Variants in GDAP1 observed in about 807,000 individuals in gnomAD.
GDAP1 encodes the protein ganglioside-induced differentiation-associated protein 1.
Under a neutral mutation model 40.1 loss-of-function variants are expected in GDAP1, and 34 were observed. The ratio of observed to expected loss-of-function variants is 0.85; its 90% CI spans 0.64 to 1.13. The LOEUF is 1.13. Ranked by LOEUF, GDAP1 falls within the 50% of genes most tolerant of loss-of-function variation. The pLI is 0.00. For missense variants in GDAP1, 374 were observed against 433.7 expected (o/e 0.86, Z 1.22); for synonymous variants, 170 against 157.4 (o/e 1.08, Z -0.60).
At position 74,361,860 on chromosome 8, in the gene GDAP1, T is replaced by C. The variant is rs1490767104; in HGVS notation, c.485-24T>C. The C allele has an allele frequency of 3.0e-6, 4 of 1,346,352 alleles. 1 individual carries two copies. Among genetic ancestry groups the C allele is most frequent in the Non-Finnish European group, 4.3e-6 (4 of 933,746 alleles). 83.4% of individuals were successfully genotyped at this position (1,346,352 alleles called of 1,614,324 possible). On this transcript the variant is annotated intron_variant, in intron 3 of 5. Coordinates refer to ENST00000220822, the MANE Select transcript of GDAP1 (RefSeq NM_018972.4). ...GTAGAAGGGAGAAAATAATTTTCTG[T>C]TTCCAAAATGTTTTTATTATCAGGC... is the stretch of plus-strand genomic sequence containing the variant.
Position 74,400,453 on chromosome 8 carries a change from C to T in GDAP1, c.165+49132C>T, listed in dbSNP as rs537485815. Among the ~76,000 whole-genome samples, 932 of 149,524 alleles carry T rather than the reference C, an allele frequency of 6.2e-3. 92 individuals carry two copies. Among genetic ancestry groups the T allele is most frequent in the African/African-American group, 0.022 (848 of 39,010 alleles). Reference sequence around the variant, plus strand: ...TTTTGAGTCTATGTGTGTCTCTGCACGTGAGATGGGTTTCCTGAATACAGC... The same window carrying T: ...TTTTGAGTCTATGTGTGTCTCTGCATGTGAGATGGGTTTCCTGAATACAGC... On this transcript the variant is annotated intron_variant, in intron 2 of 2. Transcript: ENST00000523640.
chr8:74,356,676 G>T (rs1475021373), intron 2 of GDAP1, among the ~76,000 whole-genome samples: 1 of 138,672 alleles, frequency 7.2e-6, no homozygotes, highest in Non-Finnish European at 1.6e-5. Flanking sequence ...GTGTGTGTGT[G>T]TGTGTGTGTG....
intron 2 of GDAP1, among the ~76,000 whole-genome samples, chr8:74,437,846 T>C (rs1444585117): frequency 6.6e-6 from 1 of 152,180 alleles, no homozygotes; most frequent in African/African-American, 2.4e-5. Context: ...CTCGAATATA[T>C]CTAATCCCCT....
intron 2 of GDAP1, among the ~76,000 whole-genome samples, chr8:74,477,739 G>T (rs984861358): frequency 1.3e-5 from 2 of 152,202 alleles, no homozygotes; most frequent in South Asian, 4.1e-4. Flanking sequence ...TCAAAGGGCA[G>T]TGGCAGTGGA....
At chr8:74,480,615 A>C (rs577780771) in intron 2 of GDAP1, among the ~76,000 whole-genome samples, 1 of 152,232 alleles carries the variant, frequency 6.6e-6, no homozygotes, top group South Asian at 2.1e-4. Flanking sequence ...TGCCTTACAG[A>C]AGCTCCTAGC....
intron 2 of GDAP1, among the ~76,000 whole-genome samples, chr8:74,392,769 T>TC (rs1462800346): frequency 6.6e-6 from 1 of 152,174 alleles, no homozygotes; most frequent in Non-Finnish European, 1.5e-5. Context: ...ATCTCAGTTT[T>TC]CCCCAAACAC....
At chr8:74,462,222 G>T (rs1456911576) in intron 2 of GDAP1, among the ~76,000 whole-genome samples, 1 of 152,116 alleles carries the variant, frequency 6.6e-6, no homozygotes, top group Non-Finnish European at 1.5e-5. Flanking sequence ...TTTTTGTCAA[G>T]TACTTCCTGG....
At chr8:74,381,752 T>A (rs1809956617) in intron 2 of GDAP1, among the ~76,000 whole-genome samples, 2 of 81,416 alleles carry the variant, frequency 2.5e-5, no homozygotes, top group African/African-American at 8.6e-5. Context: ...CGAAACTCCA[T>A]CTCAAATTAA....
intron 2 of GDAP1, among the ~76,000 whole-genome samples, chr8:74,410,081 A>C (rs1805690169): frequency 6.7e-6 from 1 of 150,080 alleles, no homozygotes; most frequent in African/African-American, 2.5e-5. Flanking sequence ...ATCACTAAAG[A>C]TAATGGAGAG....
intron 2 of GDAP1, among the ~76,000 whole-genome samples, chr8:74,446,170 A>G (rs1806224185): frequency 6.6e-6 from 1 of 152,168 alleles, no homozygotes; most frequent in Non-Finnish European, 1.5e-5. Flanking sequence ...AAGGGAGATT[A>G]TTGCACCACC....
chr8:74,368,977 C>T (rs1686849777), downstream of GDAP1, among the ~76,000 whole-genome samples: 4 of 152,124 alleles, frequency 2.6e-5, no homozygotes, highest in Admixed American at 2.0e-4. Context: ...TGCACCCATC[C>T]TAAAAAAGCC....
At chr8:74,405,423 T>C (rs1805626315) in intron 2 of GDAP1, among the ~76,000 whole-genome samples, 1 of 150,150 alleles carries the variant, frequency 6.7e-6, no homozygotes, top group Admixed American at 6.6e-5. Context: ...ACGTGTTCAG[T>C]GTAGACAAAA....
chr8:74,458,142 A>G (rs759159554), intron 2 of GDAP1, among the ~76,000 whole-genome samples: 10 of 152,122 alleles, frequency 6.6e-5, no homozygotes, highest in Non-Finnish European at 1.5e-4. Context: ...CCTATTCTTA[A>G]AGAATTTTAT....
At chr8:74,393,250 C>A (rs931702689) in intron 2 of GDAP1, among the ~76,000 whole-genome samples, 1 of 152,002 alleles carries the variant, frequency 6.6e-6, no homozygotes, top group Non-Finnish European at 1.5e-5. Context: ...ACAAAAAGAA[C>A]CTGGCAATTT....
chr8:74,361,864 C>G lies in GDAP1; in HGVS notation c.485-20C>G, dbSNP rs73345392. The stretch of plus-strand genomic sequence containing the variant: ...AAGGGAGAAAATAATTTTCTGTTTC[C>G]AAAATGTTTTTATTATCAGGCCAAA... On this transcript the variant is annotated intron_variant, in intron 3 of 5. Coordinates refer to ENST00000220822, the MANE Select transcript of GDAP1 (RefSeq NM_018972.4). 8.9e-3 allele frequency: 12,405 copies of G among 1,400,076 alleles called. 830 individuals carry two copies. The African/African-American group carries it at 0.15, about 17-fold the overall frequency. 86.7% of individuals were successfully genotyped at this position (1,400,076 alleles called of 1,614,324 possible). A position where few individuals can be genotyped will look rare whatever the true frequency, so the allele number is the denominator to read the frequency against.
chr8:74,483,762 T>G (rs543096108), intron 2 of GDAP1, among the ~76,000 whole-genome samples: 2 of 152,200 alleles, frequency 1.3e-5, no homozygotes, highest in Non-Finnish European at 2.9e-5. Flanking sequence ...TCCAGTTATA[T>G]TGGAATAGCT....
At chr8:74,478,544 G>A (rs1251230777) in intron 2 of GDAP1, among the ~76,000 whole-genome samples, 1 of 152,136 alleles carries the variant, frequency 6.6e-6, no homozygotes, top group Non-Finnish European at 1.5e-5. Context: ...CCCAGGAGAT[G>A]CCAGCAGACT....
intron 2 of GDAP1, among the ~76,000 whole-genome samples, chr8:74,487,021 C>G (rs992904457): frequency 5.9e-5 from 9 of 152,138 alleles, no homozygotes; most frequent in Non-Finnish European, 1.0e-4. Flanking sequence ...CTCCAAGCCT[C>G]CATTTCCATC....
At position 74,364,368 on chromosome 8, in the gene GDAP1, G is replaced by A; in HGVS notation, c.*1G>A. The stretch of plus-strand genomic sequence containing the variant: ...TAGACCCAGACCAAATTATTTCTAG[G>A]TTTGTTGGGATCTTGTCGTGGCAGC... On this transcript the variant is annotated 3_prime_UTR_variant, in exon 6 of 6. Transcript: ENST00000220822. The A allele has an allele frequency of 2.5e-6, 4 of 1,612,668 alleles. No individual in the cohort carries two copies. Among genetic ancestry groups the A allele is most frequent in the Non-Finnish European group, 3.4e-6 (4 of 1,179,922 alleles).
Sources: gnomAD v4.1 joint callset for allele counts (sites outside exome capture counted in the v4.1 genomes callset) on GRCh38, gnomAD v4.1.1 for gene constraint, MANE v1.5 for transcripts, NCBI Gene and HGNC (gene_info 2026-07-23, HGNC 2026-07-21) for gene names.